PHIP: variants seen among roughly 807,000 people sequenced by gnomAD.
PHIP encodes the protein PH-interacting protein.
In PHIP, 54 loss-of-function variants were observed where a neutral mutation model predicts 236.8. The ratio of observed to expected loss-of-function variants is 0.23; its 90% CI spans 0.18 to 0.29. The LOEUF (loss-of-function observed/expected upper bound fraction) is 0.29, where lower values mean the gene tolerates loss of function less well. Ranked by LOEUF, PHIP falls within the 10% of genes least tolerant of loss-of-function variation. The probability of loss-of-function intolerance (pLI) is 1.00; values close to 1 mark genes in which losing one functional copy is unlikely to be tolerated. For missense variants in PHIP, 1,370 were observed against 2,190.8 expected (o/e 0.63, Z 7.48); for synonymous variants, 756 against 718.9 (o/e 1.05, Z -0.83).
intron 17 of PHIP, 150 bp from the exon 18 acceptor site, chr6:78,998,541 AAAAAAAG>A (rs900151419): frequency 1.7e-5 from 10 of 588,482 alleles, no homozygotes; most frequent in African/African-American, 1.5e-4. Flanking sequence ...GGAGTTAAAA[AAAAAAAG>A]GAAAGAAAAC....
Position 79,028,196 on chromosome 6 carries a change from A to C in PHIP, c.601-2032T>G, listed in dbSNP as rs192959041. ...GCATAAGGATGAAAAAGTAAAAAAA[A>C]TTTGTGAAAGGCCTTTTACGGTTTA... On this transcript the variant is annotated intron_variant, in intron 7 of 39. Coordinates refer to ENST00000275034, the MANE Select transcript of PHIP (RefSeq NM_017934.7). Among the ~76,000 whole-genome samples the C allele has an allele frequency of 3.1e-3, 476 of 152,242 alleles. 3 individuals carry two copies. The highest frequency in any genetic ancestry group is 0.011 in the African/African-American group (442 of 41,550).
intron 4 of PHIP, among the ~76,000 whole-genome samples, chr6:79,075,095 A>G (rs1774082965): frequency 6.6e-6 from 1 of 152,168 alleles, no homozygotes; most frequent in Non-Finnish European, 1.5e-5. Context: ...TTTAAGTCAG[A>G]ATAATTAAAA....
At chr6:78,965,878 T>A (rs1767094066) in intron 28 of PHIP, 67 bp downstream of exon 28, 4 of 1,270,476 alleles carry the variant, frequency 3.1e-6, no homozygotes, top group Non-Finnish European at 4.6e-6. Flanking sequence ...TCTTTATCTC[T>A]TAATAGATGG....
chr6:78,966,126 T>C, intron 27 of PHIP, 70 bp from the exon 28 acceptor site: 2 of 968,042 alleles, frequency 2.1e-6, no homozygotes, highest in Non-Finnish European at 3.4e-6. Flanking sequence ...TTCCTAACGT[T>C]AACCTTTAAG....
In PHIP at chr6:79,015,076, A is replaced by G; in HGVS notation, c.1524+6T>C. On this transcript the variant is annotated splice_donor_region_variant and intron_variant, in intron 15 of 39. Coordinates refer to ENST00000275034, the MANE Select transcript of PHIP (RefSeq NM_017934.7). ...GTAGGTATAAAATGAAGAGAATGATAATTACCATATTGAAATAAGATCGTA... is the reference window on the plus strand; with the variant it reads ...GTAGGTATAAAATGAAGAGAATGATGATTACCATATTGAAATAAGATCGTA... The G allele has an allele frequency of 6.2e-7, 1 of 1,608,040 alleles. No individual in the cohort carries two copies. Among genetic ancestry groups the G allele is most frequent in the Non-Finnish European group, 8.5e-7 (1 of 1,175,184 alleles).
chr6:79,038,888 C>G (rs765570136), intron 7 of PHIP, among the ~76,000 whole-genome samples: 4 of 152,170 alleles, frequency 2.6e-5, no homozygotes, highest in Non-Finnish European at 5.9e-5. Context: ...CAGTAAATGA[C>G]AGGACTTTCT....
At chr6:79,026,277 A>G in intron 7 of PHIP, 113 bp from the exon 8 acceptor site, 3 of 782,804 alleles carry the variant, frequency 3.8e-6, no homozygotes, top group Non-Finnish European at 6.3e-6. Flanking sequence ...ATTTTTAAAT[A>G]CCAAAAAGTG....
intron 15 of PHIP, among the ~76,000 whole-genome samples, chr6:79,012,537 C>T (rs1357921911): frequency 6.6e-6 from 1 of 151,598 alleles, no homozygotes; most frequent in Non-Finnish European, 1.5e-5. Flanking sequence ...ACATGGTGCT[C>T]AAAAAATATT....
At position 78,936,370 on chromosome 6, in the gene PHIP, T is replaced by C. The variant is rs147409733; in HGVS notation, c.*4323A>G. The C allele has an allele frequency of 6.6e-6, 1 of 152,044 alleles. No homozygotes were observed. Among genetic ancestry groups the C allele is most frequent in the African/African-American group, 2.4e-5 (1 of 41,548 alleles). 9.4% of individuals were successfully genotyped at this position (152,044 alleles called of 1,614,324 possible). On this transcript the variant is annotated 3_prime_UTR_variant, in exon 40 of 40. Coordinates refer to ENST00000275034, the MANE Select transcript of PHIP (RefSeq NM_017934.7). Reference sequence around the variant, plus strand: ...TCTAAAAGATCTTCAGTAAGACCCCTGTCTTCTTGCAGTTTTAATATGGTC... The same window carrying C: ...TCTAAAAGATCTTCAGTAAGACCCCCGTCTTCTTGCAGTTTTAATATGGTC...
In PHIP at chr6:78,963,180, G is replaced by A; in HGVS notation, c.3452C>T (p.Pro1151Leu). The A allele has an allele frequency of 6.2e-7, 1 of 1,610,894 alleles. No individual in the cohort carries two copies. The highest frequency in any genetic ancestry group is 1.3e-5 in the African/African-American group (1 of 74,840). The stretch of plus-strand genomic sequence containing the variant: ...ATTGGTACCCCATTCTCCATCAAGA[G>A]GTTTATAGATTAGTGATCTGCACTC... ...DGECRSLIYK[P>L]LDGEWGTNPR... Residue 1151 changes from proline to leucine, a missense_variant, in exon 30 of 40, where the codon CCT becomes CTT. Pro to Leu is a moderately conservative substitution (Grantham distance 98). Transcript: ENST00000275034.
In PHIP at chr6:79,017,354, A is replaced by G. The variant is rs767783541; in HGVS notation, c.1128T>C (p.Thr376=). 2 of 1,526,844 alleles carry G rather than the reference A, an allele frequency of 1.3e-6. No individual in the cohort carries two copies. The highest frequency in any genetic ancestry group is 8.9e-7 in the Non-Finnish European group (1 of 1,118,716). The allele number at this position is 1,526,844 out of a possible 1,614,324, so 94.6% of individuals were successfully genotyped here. The change falls in exon 12 of 40, where the codon ACT becomes ACC. Residue 376 remains threonine (T), a synonymous_variant. Transcript: ENST00000275034. The part of the protein sequence containing the change: ...DKVDSIQFSN[T]SNRFVSGSRD... The stretch of plus-strand genomic sequence containing the variant: ...TTAGACAAATATTTTACCTGTTACT[A>G]GTGTTGGAAAACTGGATACTGTCAA...
chr6:79,005,922 T>C (rs182540017), intron 15 of PHIP, among the ~76,000 whole-genome samples: 9 of 152,062 alleles, frequency 5.9e-5, no homozygotes, highest in Admixed American at 2.6e-4. Context: ...TTGGGGACAG[T>C]TGAAGCTTAT....
intron 4 of PHIP, among the ~76,000 whole-genome samples, chr6:79,075,570 TC>T (rs1562228278): frequency 8.1e-6 from 1 of 124,094 alleles, no homozygotes; most frequent in Non-Finnish European, 1.7e-5. Context: ...TAATAATTCC[TC>T]CCCCCACCCT....
intron 6 of PHIP, among the ~76,000 whole-genome samples, chr6:79,058,235 T>C (rs1773172775): frequency 6.6e-6 from 1 of 152,050 alleles, no homozygotes; most frequent in Admixed American, 6.6e-5. Context: ...ATTTCTATGC[T>C]TGGATGCAAA....
At chr6:79,022,205 G>A (rs191761330) in intron 9 of PHIP, among the ~76,000 whole-genome samples, 1 of 152,268 alleles carries the variant, frequency 6.6e-6, no homozygotes, top group Admixed American at 6.5e-5. Flanking sequence ...CTGTACCTCA[G>A]TATCCTCATC....
In PHIP at chr6:78,998,298, C is replaced by T. The variant is rs1184397020; in HGVS notation, c.1973G>A (p.Arg658His). 1.2e-6 allele frequency: 2 copies of T among 1,610,334 alleles called. No homozygotes were observed. The highest frequency in any genetic ancestry group is 1.7e-5 in the Admixed American group (1 of 59,986). ...ATTACTGATAACTGCTTCACCAGAACGTCTCAGGTCTTGCTCCTGTTGTAG... is the reference window on the plus strand; with the variant it reads ...ATTACTGATAACTGCTTCACCAGAATGTCTCAGGTCTTGCTCCTGTTGTAG... ...QRLQQEQDLRRSGEAVISNTS... is the reference protein window; with the variant it reads ...QRLQQEQDLRHSGEAVISNTS... The change falls in exon 18 of 40, where the codon CGT (arginine) becomes CAT (histidine). Residue 658 changes from arginine (R) to histidine (H), a missense_variant. Arg to His is a conservative substitution (Grantham distance 29). Coordinates refer to ENST00000275034, the MANE Select transcript of PHIP (RefSeq NM_017934.7).
chr6:78,995,474 C>T (rs1338833178), intron 19 of PHIP, among the ~76,000 whole-genome samples: 1 of 152,210 alleles, frequency 6.6e-6, no homozygotes, highest in Non-Finnish European at 1.5e-5. Flanking sequence ...TATCATTTTA[C>T]ATTCCCACTA....
chr6:78,956,747 A>C (rs1447434548), intron 32 of PHIP: 1 of 152,144 alleles, frequency 6.6e-6, no homozygotes, highest in Non-Finnish European at 1.5e-5. Flanking sequence ...CCTTGTATAC[A>C]ATGTCTTAAC....
At chr6:79,016,126 CATCT>C (rs1479091949) in intron 13 of PHIP, among the ~76,000 whole-genome samples, 16 of 152,030 alleles carry the variant, frequency 1.1e-4, no homozygotes, top group Non-Finnish European at 1.5e-4. Flanking sequence ...CTTTCCCATC[CATCT>C]GAGATGACTA....
Sources: allele counts gnomAD v4.1 joint callset (sites outside exome capture counted in the v4.1 genomes callset), GRCh38; gene constraint gnomAD v4.1.1; transcripts MANE v1.5; gene names NCBI Gene and HGNC (gene_info 2026-07-23, HGNC 2026-07-21).